ERC1: variants seen among roughly 807,000 people sequenced by gnomAD.
ERC1 encodes the protein RAB6 interacting protein 2.
Under a neutral mutation model 132.0 loss-of-function variants are expected in ERC1, and 56 were observed. That is an observed-to-expected ratio of 0.42 (90% CI 0.34 to 0.53). The LOEUF (loss-of-function observed/expected upper bound fraction) is 0.53. Among genes scored for constraint, ERC1 ranks in the 20% least tolerant of loss-of-function variants. The pLI is 0.03. For missense variants in ERC1, 1,202 were observed against 1,349.9 expected, an observed-to-expected ratio of 0.89 and a Z score of 1.72; for synonymous variants, 478 against 476.1, an observed-to-expected ratio of 1.00 and a Z score of -0.05.
At chr12:1,306,726 TTTTTTG>T (rs2080911658) in intron 15 of ERC1, among the ~76,000 whole-genome samples, 1 of 151,816 alleles carries the variant, frequency 6.6e-6, no homozygotes, top group Admixed American at 6.6e-5. Flanking sequence ...AAGTTGGGTT[TTTTTTG>T]TTTTTTGTTT....
intron 2 of ERC1, among the ~76,000 whole-genome samples, chr12:1,082,565 A>C (rs543229941): frequency 8.3e-5 from 12 of 144,712 alleles, no homozygotes; most frequent in East Asian, 2.0e-4. Flanking sequence ...GTCTTGGCTC[A>C]CTGCAATTCC....
chr12:1,178,550 G>A (rs1210816232), intron 8 of ERC1, among the ~76,000 whole-genome samples: 1 of 152,078 alleles, frequency 6.6e-6, no homozygotes, highest in Non-Finnish European at 1.5e-5. Flanking sequence ...GGAGGAGTGT[G>A]TATTTATACA....
intron 8 of ERC1, among the ~76,000 whole-genome samples, chr12:1,152,089 A>G (rs555807820): frequency 2.6e-3 from 397 of 152,078 alleles, no homozygotes; most frequent in African/African-American, 9.2e-3. Flanking sequence ...AATCCCAGCT[A>G]CTCGGGAGGC....
intron 8 of ERC1, chr12:1,152,493 A>T (rs1185796597): frequency 6.5e-6 from 1 of 153,002 alleles, no homozygotes; most frequent in Non-Finnish European, 1.5e-5. Flanking sequence ...TGACCTGGGC[A>T]GTGGTGCTGT....
chr12:1,168,003 C>T (rs144686303), intron 8 of ERC1, among the ~76,000 whole-genome samples: 6 of 152,112 alleles, frequency 3.9e-5, no homozygotes, highest in Non-Finnish European at 5.9e-5. Context: ...CGTGAGTCAC[C>T]GCGCCCCGTC....
At chr12:1,177,147 C>G (rs1953825361) in intron 8 of ERC1, among the ~76,000 whole-genome samples, 1 of 152,172 alleles carries the variant, frequency 6.6e-6, no homozygotes, top group South Asian at 2.1e-4. Context: ...CTGGATTAGG[C>G]TTTGGCTTGA....
chr12:1,422,345 C>T (rs1300512785), intron 17 of ERC1, among the ~76,000 whole-genome samples: 1 of 151,960 alleles, frequency 6.6e-6, no homozygotes, highest in Non-Finnish European at 1.5e-5. Context: ...CCCTGGCTTT[C>T]CCCTTCCCCC....
intron 15 of ERC1, among the ~76,000 whole-genome samples, chr12:1,370,089 G>C (rs2087045217): frequency 6.6e-6 from 1 of 152,156 alleles, no homozygotes. Flanking sequence ...CTCAGATTCA[G>C]CATTTCCTCA....
intron 17 of ERC1, among the ~76,000 whole-genome samples, chr12:1,440,601 TGTGTGTGTGTGTGTGTG>T (rs1565445240): frequency 1.6e-4 from 2 of 12,376 alleles, no homozygotes; most frequent in African/African-American, 3.9e-4. Context: ...CTCAGCCTTT[TGTGTGTGTGTGTGTGTG>T]TGTGTGTGTG....
At chr12:1,311,407 A>G (rs1367600796) in intron 15 of ERC1, among the ~76,000 whole-genome samples, 6 of 152,194 alleles carry the variant, frequency 3.9e-5, no homozygotes, top group Non-Finnish European at 7.3e-5. Flanking sequence ...GAGGTATGAG[A>G]TCAGCCTTAG....
chr12:1,375,443 C>T (rs935636765), intron 16 of ERC1, among the ~76,000 whole-genome samples: 2 of 152,122 alleles, frequency 1.3e-5, no homozygotes, highest in Non-Finnish European at 2.9e-5. Flanking sequence ...TGGGTGGGGA[C>T]GCAGAGCCAA....
intron 13 of ERC1, 134 bp downstream of exon 13, chr12:1,237,038 A>G (rs530334535): frequency 3.9e-6 from 4 of 1,035,646 alleles, no homozygotes; most frequent in South Asian, 3.5e-5. Context: ...TCTCAGACCA[A>G]CTGTTTAGCA....
intron 7 of ERC1, among the ~76,000 whole-genome samples, chr12:1,118,529 C>T (rs748480633): frequency 2.6e-5 from 4 of 152,184 alleles, no homozygotes; most frequent in Non-Finnish European, 5.9e-5. Context: ...TTACTAGGGC[C>T]ACTGCGCAAA....
intron 2 of ERC1, among the ~76,000 whole-genome samples, chr12:1,057,829 C>A (rs927225295): frequency 6.6e-6 from 1 of 151,880 alleles, no homozygotes; most frequent in African/African-American, 2.4e-5. Context: ...ATTCTGACCT[C>A]GTGATCCACC....
intron 15 of ERC1, among the ~76,000 whole-genome samples, chr12:1,299,905 T>G (rs1053618571): frequency 6.6e-6 from 1 of 152,140 alleles, no homozygotes. Context: ...AAAATACAAT[T>G]TATTAAAACT....
intron 3 of ERC1, among the ~76,000 whole-genome samples, chr12:1,092,466 T>G (rs189956761): frequency 3.8e-4 from 58 of 152,352 alleles, no homozygotes; most frequent in African/African-American, 1.4e-3. Flanking sequence ...CATTTTGTCA[T>G]CATTTCAGCT....
At chr12:1,347,825 A>C (rs2084624993) in intron 15 of ERC1, among the ~76,000 whole-genome samples, 1 of 152,096 alleles carries the variant, frequency 6.6e-6, no homozygotes, top group African/African-American at 2.4e-5. Flanking sequence ...TCTACTAAAA[A>C]TACAAAAATT....
chr12:1,092,843 C>T (rs1449522999), intron 3 of ERC1, among the ~76,000 whole-genome samples: 2 of 152,178 alleles, frequency 1.3e-5, no homozygotes, highest in Non-Finnish European at 2.9e-5. Context: ...CGCCTGTAAT[C>T]CCAGCTCTTT....
chr12:1,002,206 C>G lies in ERC1; in HGVS notation c.-157+10884C>G, dbSNP rs1262635328. 7.8e-5 allele frequency among the ~76,000 whole-genome samples: 8 copies of G among 102,710 alleles called. 1 individual carries two copies. Among genetic ancestry groups the G allele is most frequent in the Non-Finnish European group, 1.4e-4 (8 of 56,032 alleles). 67.4% of individuals were successfully genotyped at this position (102,710 alleles called of 152,430 possible). A position where few individuals can be genotyped will look rare whatever the true frequency, so the allele number is the denominator to read the frequency against. ...TTTTTTTTTTTTTGAGACAGTTTCA[C>G]TCTGTCGCCCAGACTGGAGTGAAGT... On this transcript the variant is annotated intron_variant, in intron 1 of 18. Coordinates refer to ENST00000360905, the MANE Select transcript of ERC1 (RefSeq NM_178040.4).
Sources: gnomAD v4.1 joint callset for allele counts (sites outside exome capture counted in the v4.1 genomes callset) on GRCh38, gnomAD v4.1.1 for gene constraint, MANE v1.5 for transcripts, NCBI Gene and HGNC (gene_info 2026-07-23, HGNC 2026-07-21) for gene names.